FREM3: variants seen among roughly 807,000 people sequenced by gnomAD.
FREM3 encodes the protein FRAS1-related extracellular matrix protein 3.
FREM3 carries 105 observed loss-of-function variants against 129.1 expected under a neutral mutation model. That is an observed-to-expected ratio of 0.81 (90% CI 0.69 to 0.96). The LOEUF is 0.96. FREM3 is among the 40% of genes least tolerant of loss of function. The pLI is 0.00. For missense variants in FREM3, 2,593 were observed against 2,666.3 expected (o/e 0.97, Z 0.61); for synonymous variants, 1,014 against 1,044.9 (o/e 0.97, Z 0.57).
At chr4:143,669,671 C>T (rs1318588824) in intron 2 of FREM3, among the ~76,000 whole-genome samples, 1 of 149,448 alleles carries the variant, frequency 6.7e-6, no homozygotes, top group African/African-American at 2.5e-5. Flanking sequence ...AAAAAAAAAA[C>T]CACAAGTCAC....
At chr4:143,606,557 C>T (rs1052588844) in intron 6 of FREM3, among the ~76,000 whole-genome samples, 1 of 151,956 alleles carries the variant, frequency 6.6e-6, no homozygotes, top group Non-Finnish European at 1.5e-5. Flanking sequence ...AAATATTTAT[C>T]TATGGAAGAT....
rs1467833618 is a variant in FREM3 at position 143,700,161 on chromosome 4, C to T, written c.515G>A (p.Arg172His). Residue 172 changes from arginine (R) to histidine (H), a missense_variant, in exon 1 of 8, where the codon CGT becomes CAT. Physicochemically the swap from Arg to His is conservative, Grantham distance 29 (BLOSUM62 0). Coordinates refer to ENST00000329798, the MANE Select transcript of FREM3 (RefSeq NM_001168235.2). ...LVFSQLELVT[R>H]NRPLVVEKLR... ...CTTCTCCACTACCAAAGGCCTGTTA[C>T]GCGTCACCAGCTCCAGCTGGGAGAA... The T allele has an allele frequency of 9.1e-6, 14 of 1,536,926 alleles. No homozygotes were observed. The highest frequency in any genetic ancestry group is 3.3e-4 in the Middle Eastern group (2 of 6,012).
At chr4:143,589,512 G>A (rs1459271407) in intron 6 of FREM3, among the ~76,000 whole-genome samples, 1 of 152,068 alleles carries the variant, frequency 6.6e-6, no homozygotes, top group African/African-American at 2.4e-5. Flanking sequence ...TTTCCCCATT[G>A]CTTGTTTTTC....
intron 2 of FREM3, among the ~76,000 whole-genome samples, chr4:143,672,428 T>G (rs1157054319): frequency 6.6e-6 from 1 of 152,244 alleles, no homozygotes; most frequent in Non-Finnish European, 1.5e-5. Context: ...CTTGTCTGCC[T>G]TGGCATCTTT....
intron 2 of FREM3, among the ~76,000 whole-genome samples, chr4:143,647,901 C>G (rs1045772059): frequency 6.6e-6 from 1 of 152,176 alleles, no homozygotes; most frequent in Non-Finnish European, 1.5e-5. Flanking sequence ...CCACCATCCT[C>G]CAGTCCCCAG....
intron 2 of FREM3, among the ~76,000 whole-genome samples, chr4:143,661,765 G>C (rs569257456): frequency 7.6e-4 from 116 of 152,236 alleles, no homozygotes; most frequent in Non-Finnish European, 1.4e-3. Flanking sequence ...CACAATTTCA[G>C]CTCCTGTTAT....
At chr4:143,611,207 C>A in intron 6 of FREM3, 72 bp downstream of exon 6, 2 of 1,443,208 alleles carry the variant, frequency 1.4e-6, no homozygotes, top group Non-Finnish European at 1.8e-6. Flanking sequence ...GCTACATTTG[C>A]CTTTCAACTG....
intron 2 of FREM3, among the ~76,000 whole-genome samples, chr4:143,648,550 C>T (rs1370371781): frequency 6.6e-6 from 1 of 152,164 alleles, no homozygotes; most frequent in Non-Finnish European, 1.5e-5. Context: ...TCTCATGATA[C>T]TGAGTGACTT....
chr4:143,617,092 A>C (rs1738866955), intron 5 of FREM3, among the ~76,000 whole-genome samples: 1 of 152,216 alleles, frequency 6.6e-6, no homozygotes, highest in African/African-American at 2.4e-5. Flanking sequence ...GAGAGTGACT[A>C]ATGAGAAGAA....
At position 143,697,320 on chromosome 4, in the gene FREM3, T is replaced by C. The variant is rs1272907888; in HGVS notation, c.3356A>G (p.Glu1119Gly). 1.3e-6 allele frequency: 2 copies of C among 1,537,230 alleles called. No homozygotes were observed. Among genetic ancestry groups the C allele is most frequent in the South Asian group, 2.4e-5 (2 of 84,056 alleles). Residue 1119 changes from glutamate (E) to glycine (G), a missense_variant, in exon 1 of 8, where the codon GAA (glutamate) becomes GGA (glycine). Glu to Gly is a moderately conservative substitution (Grantham distance 98). Coordinates refer to ENST00000329798, the MANE Select transcript of FREM3 (RefSeq NM_001168235.2). ...TGAACCAGGAGCTGATGCAATCTTT[T>C]CCAGGTAGCCAGAGGCTGGCTGACT... ...VTSQPASGYL[E>G]KIASAPGSKM...
At chr4:143,660,698 G>A (rs1196375915) in intron 2 of FREM3, among the ~76,000 whole-genome samples, 3 of 152,026 alleles carry the variant, frequency 2.0e-5, no homozygotes, top group Non-Finnish European at 2.9e-5. Flanking sequence ...TCACGATATT[G>A]ATTCTTCCTA....
chr4:143,687,338 G>T (rs942027461), intron 2 of FREM3, among the ~76,000 whole-genome samples: 11 of 150,372 alleles, frequency 7.3e-5, no homozygotes, highest in Non-Finnish European at 1.5e-4. Flanking sequence ...CAAGCAGTGA[G>T]ATTGAAATGG....
intron 2 of FREM3, among the ~76,000 whole-genome samples, chr4:143,634,480 T>C (rs2149844697): frequency 6.6e-6 from 1 of 152,158 alleles, no homozygotes; most frequent in African/African-American, 2.4e-5. Context: ...GATTCAGCCA[T>C]CACCCTTTTT....
At chr4:143,612,982 TGCCCACTGTCATCTAAACATCC>T (rs1433859953) in intron 5 of FREM3, among the ~76,000 whole-genome samples, 1 of 152,192 alleles carries the variant, frequency 6.6e-6, no homozygotes, top group Non-Finnish European at 1.5e-5. Flanking sequence ...ATGACACCAA[TGCCCACTGTCATCTAAACATCC>T]GTACAAGTTG....
At chr4:143,665,417 T>G (rs1739842249) in intron 2 of FREM3, among the ~76,000 whole-genome samples, 1 of 152,152 alleles carries the variant, frequency 6.6e-6, no homozygotes, top group African/African-American at 2.4e-5. Context: ...TGTCTTTTTC[T>G]GTGTCATATC....
chr4:143,649,466 C>A (rs1438680210), intron 2 of FREM3, among the ~76,000 whole-genome samples: 2 of 152,184 alleles, frequency 1.3e-5, no homozygotes, highest in Non-Finnish European at 2.9e-5. Flanking sequence ...CTCATACCAA[C>A]CCAGGGAAAG....
At chr4:143,580,998 A>T (rs1192519581) in intron 7 of FREM3, among the ~76,000 whole-genome samples, 1 of 152,168 alleles carries the variant, frequency 6.6e-6, no homozygotes, top group Non-Finnish European at 1.5e-5. Flanking sequence ...TCCTTGGGAC[A>T]GAGCTCCCAG....
Position 143,698,892 on chromosome 4 carries a change from G to C in FREM3, c.1784C>G (p.Pro595Arg). The C allele has an allele frequency of 6.5e-7, 1 of 1,537,490 alleles. No homozygotes were observed. The highest frequency in any genetic ancestry group is 8.7e-7 in the Non-Finnish European group (1 of 1,146,972). Residue 595 changes from proline to arginine, a missense_variant, in exon 1 of 8, where the codon CCT becomes CGT. Coordinates refer to ENST00000329798, the MANE Select transcript of FREM3 (RefSeq NM_001168235.2). The stretch of plus-strand genomic sequence containing the variant: ...GGAACCAGGGGCCAACTCCCACTGA[G>C]GCTCTTCCTCATTTCCTTTTAGGGG... ...NQPLKGNEEE[P>R]QWELAPGSSH... is the part of the protein sequence containing the mutation.
chr4:143,593,472 A>G (rs1438034542), intron 6 of FREM3, among the ~76,000 whole-genome samples: 3 of 149,462 alleles, frequency 2.0e-5, no homozygotes, highest in African/African-American at 7.3e-5. Context: ...CCTCAGCTGC[A>G]GGTCTGTTGG....
Sources: allele counts gnomAD v4.1 joint callset (sites outside exome capture counted in the v4.1 genomes callset), GRCh38; gene constraint gnomAD v4.1.1; transcripts MANE v1.5; gene names NCBI Gene and HGNC (gene_info 2026-07-23, HGNC 2026-07-21).